The following MYO3B variants were observed in gnomAD, a reference collection of about 807,000 sequenced individuals.
The protein encoded by MYO3B is myosin-IIIb.
MYO3B carries 156 observed loss-of-function variants against 174.6 expected under a neutral mutation model. That is an observed-to-expected ratio of 0.89 (90% CI 0.78 to 1.02). The LOEUF (loss-of-function observed/expected upper bound fraction) is 1.02. Among genes scored for constraint, MYO3B ranks in the 50% least tolerant of loss-of-function variants. MYO3B has a pLI of 0.00. For synonymous variants in MYO3B, 563 were observed against 569.1 expected (o/e 0.99, Z 0.15); for missense variants, 1,632 against 1,639.4 (o/e 1.00, Z 0.08).
At chr2:170,638,927 C>T (rs1697744671) in intron 32 of MYO3B, among the ~76,000 whole-genome samples, 1 of 152,140 alleles carries the variant, frequency 6.6e-6, no homozygotes, top group Non-Finnish European at 1.5e-5. Flanking sequence ...TTCTGATCCC[C>T]CATGTCCAGT....
At chr2:170,497,561 T>G (rs1050107529) in intron 25 of MYO3B, among the ~76,000 whole-genome samples, 19 of 151,644 alleles carry the variant, frequency 1.3e-4, no homozygotes, top group African/African-American at 4.6e-4. Context: ...GAGCTTGCAG[T>G]GAGCTGAGAT....
intron 7 of MYO3B, among the ~76,000 whole-genome samples, chr2:170,278,168 A>G (rs1044581119): frequency 6.6e-6 from 1 of 152,190 alleles, no homozygotes; most frequent in Non-Finnish European, 1.5e-5. Flanking sequence ...CTTGGAAACA[A>G]TATGGCGATA....
intron 32 of MYO3B, among the ~76,000 whole-genome samples, chr2:170,572,832 G>A (rs933097218): frequency 2.0e-5 from 3 of 152,010 alleles, no homozygotes; most frequent in Non-Finnish European, 2.9e-5. Flanking sequence ...ATATTATGTC[G>A]TGAATCTCCA....
chr2:170,595,922 T>A (rs533316098), intron 32 of MYO3B, among the ~76,000 whole-genome samples: 1 of 152,312 alleles, frequency 6.6e-6, no homozygotes, highest in African/African-American at 2.4e-5. Context: ...CCCTCCCAAA[T>A]GTAGTTGCAT....
chr2:170,350,721 AT>A, intron 8 of MYO3B: 1 of 152,334 alleles, frequency 6.6e-6, no homozygotes, highest in South Asian at 2.1e-4. Flanking sequence ...ACAGATGTTA[AT>A]TTTGGCCACG....
intron 32 of MYO3B, among the ~76,000 whole-genome samples, chr2:170,561,010 T>G (rs1489998265): frequency 6.6e-6 from 1 of 152,222 alleles, no homozygotes; most frequent in African/African-American, 2.4e-5. Flanking sequence ...ACAACACACT[T>G]GTACTCTGCC....
intron 7 of MYO3B, among the ~76,000 whole-genome samples, chr2:170,294,781 A>T (rs1344276623): frequency 6.6e-6 from 1 of 152,130 alleles, no homozygotes. Flanking sequence ...TTTAAGATAA[A>T]CTATGGACTT....
At chr2:170,397,359 A>C (rs1475596776) in intron 16 of MYO3B, among the ~76,000 whole-genome samples, 3 of 152,164 alleles carry the variant, frequency 2.0e-5, no homozygotes, top group Non-Finnish European at 4.4e-5. Context: ...TGGTCCAGTG[A>C]CCGTTCCTAT....
At chr2:170,316,831 C>A (rs2093779162) in intron 7 of MYO3B, among the ~76,000 whole-genome samples, 1 of 152,142 alleles carries the variant, frequency 6.6e-6, no homozygotes, top group Non-Finnish European at 1.5e-5. Context: ...TGTGAGCATG[C>A]CATCTGTTTG....
intron 32 of MYO3B, among the ~76,000 whole-genome samples, chr2:170,635,428 CAGTA>C (rs1353730114): frequency 1.3e-5 from 2 of 151,450 alleles, no homozygotes; most frequent in Admixed American, 6.6e-5. Context: ...CACTCGGACA[CAGTA>C]AGAGGAACAT....
chr2:170,408,997 A>G (rs1404396541), intron 22 of MYO3B, among the ~76,000 whole-genome samples: 1 of 152,158 alleles, frequency 6.6e-6, no homozygotes, highest in African/African-American at 2.4e-5. Flanking sequence ...TTTCCTTACC[A>G]GAGACCCAGG....
At chr2:170,324,658 G>A (rs573489136) in intron 7 of MYO3B, among the ~76,000 whole-genome samples, 219 of 152,296 alleles carry the variant, frequency 1.4e-3, no homozygotes, top group African/African-American at 4.3e-3. Flanking sequence ...ACTTTTCAGC[G>A]CTGAATCTAC....
intron 32 of MYO3B, among the ~76,000 whole-genome samples, chr2:170,561,856 A>G (rs1287170288): frequency 2.6e-5 from 4 of 152,234 alleles, no homozygotes; most frequent in Admixed American, 2.6e-4. Flanking sequence ...CACGCAATAC[A>G]TAAAAAGAAT....
chr2:170,448,786 G>A (rs1260292356), intron 23 of MYO3B, among the ~76,000 whole-genome samples: 5 of 95,030 alleles, frequency 5.3e-5, no homozygotes, highest in Admixed American at 1.2e-4. Flanking sequence ...ACAGGTGTGC[G>A]ATAGTTTTTT....
chr2:170,291,734 C>A (rs2093597932), intron 7 of MYO3B, among the ~76,000 whole-genome samples: 1 of 146,896 alleles, frequency 6.8e-6, no homozygotes, highest in Non-Finnish European at 1.5e-5. Context: ...TTTCTTAAAG[C>A]ACTTTGAAAA....
At chr2:170,451,127 A>G (rs76532537) in intron 23 of MYO3B, among the ~76,000 whole-genome samples, 8,431 of 152,304 alleles carry the variant, frequency 0.055, 363 homozygotes, top group East Asian at 0.22. Context: ...TCCCACCAAA[A>G]CCACATTCTA....
At chr2:170,524,604 C>G (rs1375949170) in intron 30 of MYO3B, 1 of 389,362 alleles carries the variant, frequency 2.6e-6, no homozygotes, top group South Asian at 1.9e-5. Context: ...CTGCCTCAGC[C>G]TCCCGAGTAG....
chr2:170,342,756 G>T (rs557737779), intron 8 of MYO3B, among the ~76,000 whole-genome samples: 11 of 152,176 alleles, frequency 7.2e-5, no homozygotes, highest in Admixed American at 2.0e-4. Context: ...TATAGAAATT[G>T]AGGTAAAAAG....
At chr2:170,307,450 A>G (rs989186657) in intron 7 of MYO3B, among the ~76,000 whole-genome samples, 20 of 152,156 alleles carry the variant, frequency 1.3e-4, no homozygotes, top group African/African-American at 4.1e-4. Flanking sequence ...TTTATTCTCA[A>G]TGCTACCTTT....
Sources: allele counts gnomAD v4.1 joint callset (sites outside exome capture counted in the v4.1 genomes callset), GRCh38; gene constraint gnomAD v4.1.1; transcripts MANE v1.5; gene names NCBI Gene and HGNC (gene_info 2026-07-23, HGNC 2026-07-21).